The following NCLN variants were observed in gnomAD, a reference collection of about 807,000 sequenced individuals.
The protein encoded by NCLN is BOS complex subunit NCLN.
In NCLN, 34 loss-of-function variants were observed where a neutral mutation model predicts 69.5. The ratio of observed to expected loss-of-function variants is 0.49; its 90% CI spans 0.37 to 0.65. NCLN has a LOEUF of 0.65. NCLN is among the 30% of genes least tolerant of loss of function. The pLI, the probability that NCLN is intolerant of heterozygous loss-of-function variation, is 0.00. For missense variants in NCLN, 710 were observed against 804.8 expected (o/e 0.88, Z 1.42); for synonymous variants, 393 against 358.3 (o/e 1.10, Z -1.09).
At chr19:3,207,134 C>T in intron 12 of NCLN, 64 bp from the exon 13 acceptor site, 4 of 1,586,638 alleles carry the variant, frequency 2.5e-6, no homozygotes, top group Non-Finnish European at 3.5e-6. Context: ...TCCATCTCTA[C>T]AAACCCTTTT....
At chr19:3,188,532 C>T (rs545430620) in intron 1 of NCLN, among the ~76,000 whole-genome samples, 3 of 151,928 alleles carry the variant, frequency 2.0e-5, no homozygotes, top group South Asian at 2.1e-4. Context: ...TTTTTGGTGG[C>T]GCCTCCCTCC....
chr19:3,204,268 G>T, intron 8 of NCLN, 124 bp downstream of exon 8: 1 of 1,224,402 alleles, frequency 8.2e-7, no homozygotes, highest in Non-Finnish European at 1.1e-6. Context: ...GCCACACTGT[G>T]TCGGGGTCGG....
chr19:3,186,198 G>A lies in NCLN; in HGVS notation c.168G>A (p.Leu56=), dbSNP rs969747483. 6 of 1,565,456 alleles carry A rather than the reference G, an allele frequency of 3.8e-6. No individual in the cohort carries two copies. The Admixed American group carries it at 1.1e-4, about 29-fold the overall frequency. ...FTVYRMQQYD[L]QGQPYGTRNA... ...TGTACCGCATGCAGCAGTACGACCT[G>A]CAGGGCCAGCCCTACGGTGCGTGTC... The change falls in exon 1 of 15, where the codon CTG becomes CTA. Residue 56 remains leucine, a synonymous_variant. Coordinates refer to ENST00000246117, the MANE Select transcript of NCLN (RefSeq NM_020170.4).
At chr19:3,193,538 C>T in intron 3 of NCLN, 110 bp downstream of exon 3, 3 of 1,304,038 alleles carry the variant, frequency 2.3e-6, no homozygotes, top group Non-Finnish European at 2.0e-6. Flanking sequence ...CGTGTGGCAT[C>T]CCTTCGCCGG....
chr19:3,208,027 C>T lies in NCLN; in HGVS notation c.*339C>T, dbSNP rs940574715. ...ACATGCACGATTAAAGAGGAGACGCCGGGACCCCCTGCCCGATCGCGCGCG... is the reference window on the plus strand; with the variant it reads ...ACATGCACGATTAAAGAGGAGACGCTGGGACCCCCTGCCCGATCGCGCGCG... On this transcript the variant is annotated 3_prime_UTR_variant, in exon 15 of 15. Coordinates refer to ENST00000246117, the MANE Select transcript of NCLN (RefSeq NM_020170.4). The T allele has an allele frequency of 6.9e-5, 21 of 302,334 alleles. No individual in the cohort carries two copies. Among genetic ancestry groups the T allele is most frequent in the Non-Finnish European group, 1.1e-4 (18 of 160,388 alleles). The allele number at this position is 302,334 out of a possible 1,614,324, so 18.7% of individuals were successfully genotyped here.
At chr19:3,207,152 T>C (rs1032145001) in intron 12 of NCLN, 46 bp from the exon 13 acceptor site, 1 of 1,607,422 alleles carries the variant, frequency 6.2e-7, no homozygotes, top group African/African-American at 1.3e-5. Context: ...TTTTTAAGAA[T>C]TAGCTGGGCG....
At chr19:3,192,932 C>T (rs73512602) in intron 2 of NCLN, among the ~76,000 whole-genome samples, 1,734 of 152,294 alleles carry the variant, frequency 0.011, 38 homozygotes, top group African/African-American at 0.04. Flanking sequence ...AGGACGGCCC[C>T]GCCCCAGACA....
chr19:3,186,198 G>C lies in NCLN; in HGVS notation c.168G>C (p.Leu56=). The C allele has an allele frequency of 6.4e-7, 1 of 1,565,566 alleles. No individual in the cohort carries two copies. The highest frequency in any genetic ancestry group is 1.4e-5 in the African/African-American group (1 of 70,898). ...TGTACCGCATGCAGCAGTACGACCT[G>C]CAGGGCCAGCCCTACGGTGCGTGTC... ...FTVYRMQQYD[L]QGQPYGTRNA... Residue 56 remains leucine (L), a synonymous_variant, in exon 1 of 15, where the codon CTG becomes CTC. Coordinates refer to ENST00000246117, the MANE Select transcript of NCLN (RefSeq NM_020170.4).
At chr19:3,202,151 C>T (rs115087320) in intron 6 of NCLN, among the ~76,000 whole-genome samples, 3,594 of 152,168 alleles carry the variant, frequency 0.024, 142 homozygotes, top group African/African-American at 0.082. Context: ...GACTATGTCC[C>T]GTGATCATCT....
intron 1 of NCLN, among the ~76,000 whole-genome samples, chr19:3,189,104 CT>C (rs1437783305): frequency 6.6e-6 from 1 of 152,224 alleles, no homozygotes; most frequent in Non-Finnish European, 1.5e-5. Context: ...GGGCGGTGCC[CT>C]TTGTGTTTGG....
chr19:3,190,215 G>A (rs556341659), intron 1 of NCLN, among the ~76,000 whole-genome samples: 126 of 152,316 alleles, frequency 8.3e-4, no homozygotes, highest in African/African-American at 2.9e-3. Context: ...TCCCTGAGGG[G>A]CCTCCCAAGG....
rs1226185295 is a variant in NCLN, at chr19:3,207,758, A to G, written c.*70A>G. 1.8e-5 allele frequency: 25 copies of G among 1,404,010 alleles called. No homozygotes were observed. The highest frequency in any genetic ancestry group is 3.5e-5 in the South Asian group (3 of 85,086). The allele number at this position is 1,404,010 out of a possible 1,614,324, so 87.0% of individuals were successfully genotyped here. A position where few individuals can be genotyped will look rare whatever the true frequency, so the allele number is the denominator to read the frequency against. ...TGGGGCCGAGCACGAGTGAGTGGAC[A>G]CTGCCCCGCCGCGGGCGGCCCTGCA... On this transcript the variant is annotated 3_prime_UTR_variant, in exon 15 of 15. Coordinates refer to ENST00000246117, the MANE Select transcript of NCLN (RefSeq NM_020170.4).
At chr19:3,195,948 A>T (rs1394350762) in intron 3 of NCLN, among the ~76,000 whole-genome samples, 1 of 152,192 alleles carries the variant, frequency 6.6e-6, no homozygotes, top group Non-Finnish European at 1.5e-5. Context: ...TCAGAATGGC[A>T]TGGAGGAGAA....
chr19:3,196,444 G>A (rs1480584504), intron 4 of NCLN, among the ~76,000 whole-genome samples, 167 bp downstream of exon 4: 2 of 152,120 alleles, frequency 1.3e-5, no homozygotes, highest in African/African-American at 4.8e-5. Context: ...GCAGCTGCAG[G>A]AACCCAAACT....
Position 3,204,674 on chromosome 19 carries a change from C to G in NCLN, c.1131C>G (p.Ile377Met). The G allele has an allele frequency of 6.2e-7, 1 of 1,608,926 alleles. No homozygotes were observed. Among genetic ancestry groups the G allele is most frequent in the East Asian group, 2.2e-5 (1 of 44,734 alleles). The part of the protein sequence containing the change: ...VLAWEHERFA[I>M]RRLPAFTLSH... ...CCTGGGAGCACGAGCGCTTCGCCAT[C>G]CGCCGACTGCCCGCCTTCACGCTGT... is the stretch of plus-strand genomic sequence containing the variant. The change falls in exon 9 of 15, where the codon ATC (isoleucine) becomes ATG (methionine). Residue 377 changes from isoleucine to methionine, a missense_variant. Coordinates refer to ENST00000246117, the MANE Select transcript of NCLN (RefSeq NM_020170.4).
chr19:3,189,553 A>G (rs976241504), intron 1 of NCLN, among the ~76,000 whole-genome samples: 7 of 152,348 alleles, frequency 4.6e-5, no homozygotes, highest in Middle Eastern at 3.4e-3. Context: ...TGCCCAGGCC[A>G]CTGTTCAGGT....
intron 5 of NCLN, among the ~76,000 whole-genome samples, chr19:3,199,551 G>A (rs961357165): frequency 2.6e-5 from 4 of 152,180 alleles, no homozygotes; most frequent in East Asian, 3.9e-4. Context: ...AGCCTGTCCT[G>A]TCAGCGAGGG....
chr19:3,186,291 G>T, intron 1 of NCLN, 77 bp downstream of exon 1: 1 of 1,363,066 alleles, frequency 7.3e-7, no homozygotes, highest in Non-Finnish European at 9.5e-7. Flanking sequence ...TCCCCAGGCC[G>T]ATCCCTAGCT....
In NCLN at chr19:3,208,501, C is replaced by G. The variant is rs1388719761; in HGVS notation, c.*813C>G. ...TGCGGCCCCAGCCCAGCTCCCAGGG[C>G]CGTCACCTGCTTGGCCCTGGCCCAG... On this transcript the variant is annotated 3_prime_UTR_variant, in exon 15 of 15. Coordinates refer to ENST00000246117, the MANE Select transcript of NCLN (RefSeq NM_020170.4). The G allele has an allele frequency of 6.5e-6, 1 of 152,944 alleles. No homozygotes were observed. Among genetic ancestry groups the G allele is most frequent in the African/African-American group, 2.4e-5 (1 of 41,476 alleles). 9.5% of individuals were successfully genotyped at this position (152,944 alleles called of 1,614,324 possible).
Sources: allele counts gnomAD v4.1 joint callset (sites outside exome capture counted in the v4.1 genomes callset), GRCh38; gene constraint gnomAD v4.1.1; transcripts MANE v1.5; gene names NCBI Gene and HGNC (gene_info 2026-07-23, HGNC 2026-07-21).